Variants in SIPA1L1 observed in about 807,000 individuals in gnomAD.
The protein encoded by SIPA1L1 is signal-induced proliferation-associated 1-like protein 1.
In SIPA1L1, 26 loss-of-function variants were observed where a neutral mutation model predicts 162.7. The observed-to-expected ratio is 0.16, with a 90% confidence interval of 0.12 to 0.22. The LOEUF is 0.22. SIPA1L1 is among the 10% of genes least tolerant of loss of function. The pLI, the probability that SIPA1L1 is intolerant of heterozygous loss-of-function variation, is 1.00. For missense variants in SIPA1L1, 1,874 were observed against 2,241.0 expected (o/e 0.84, Z 3.31); for synonymous variants, 829 against 837.4 (o/e 0.99, Z 0.17).
intron 2 of SIPA1L1, among the ~76,000 whole-genome samples, chr14:71,428,042 G>A (rs1007364025): frequency 6.6e-6 from 1 of 151,382 alleles, no homozygotes; most frequent in Non-Finnish European, 1.5e-5. Flanking sequence ...TTTTGAGATG[G>A]AGTGCGGTGG....
At chr14:71,451,766 G>A (rs1020959227) in intron 2 of SIPA1L1, among the ~76,000 whole-genome samples, 2 of 151,946 alleles carry the variant, frequency 1.3e-5, no homozygotes, top group Non-Finnish European at 2.9e-5. Flanking sequence ...AGTATGTCAG[G>A]TAACATATAT....
At chr14:71,496,799 A>C (rs1238814354) in intron 2 of SIPA1L1, among the ~76,000 whole-genome samples, 1 of 152,150 alleles carries the variant, frequency 6.6e-6, no homozygotes, top group East Asian at 1.9e-4. Context: ...TATTTCACTG[A>C]TGACCCTTTT....
intron 2 of SIPA1L1, among the ~76,000 whole-genome samples, chr14:71,391,348 G>A (rs189304229): frequency 6.5e-4 from 99 of 152,200 alleles, no homozygotes; most frequent in Admixed American, 5.6e-3. Flanking sequence ...CTCGTGATCC[G>A]CCCGCCTTGG....
At chr14:71,353,939 TAAAG>T (rs1339419504) in intron 2 of SIPA1L1, among the ~76,000 whole-genome samples, 1 of 151,974 alleles carries the variant, frequency 6.6e-6, no homozygotes, top group African/African-American at 2.4e-5. Context: ...CAGCATTTTA[TAAAG>T]AAAGGCCATT....
intron 2 of SIPA1L1, among the ~76,000 whole-genome samples, chr14:71,463,015 C>G: frequency 6.6e-6 from 1 of 152,202 alleles, no homozygotes; most frequent in Non-Finnish European, 1.5e-5. Context: ...GATACAGCAG[C>G]TGCAATTGGA....
At chr14:71,497,632 T>A (rs956088694) in intron 2 of SIPA1L1, among the ~76,000 whole-genome samples, 2 of 152,218 alleles carry the variant, frequency 1.3e-5, no homozygotes, top group Non-Finnish European at 2.9e-5. Context: ...CAAGACTAGC[T>A]GCTTTCACTA....
At chr14:71,393,425 G>T (rs2141386199) in intron 2 of SIPA1L1, among the ~76,000 whole-genome samples, 1 of 152,306 alleles carries the variant, frequency 6.6e-6, no homozygotes. Context: ...AACAGATTGT[G>T]TTCTGATATG....
In SIPA1L1 at chr14:71,655,982, A is replaced by G. The variant is rs201057931; in HGVS notation, c.1994-2351A>G. Among the ~76,000 whole-genome samples, 13 of 152,180 alleles carry G rather than the reference A, an allele frequency of 8.5e-5. No homozygotes were observed. In the East Asian group the frequency reaches 2.5e-3, roughly 29 times the overall value. On this transcript the variant is annotated intron_variant, in intron 8 of 23. Coordinates refer to ENST00000381232, the MANE Select transcript of SIPA1L1 (RefSeq NM_001386936.1). ...ATTCTTTTTTCATTCTTTCTGGTAA[A>G]GTTTAATACCTCTATGAAGTGCATA...
chr14:71,738,693 A>G (rs924547757), intron 23 of SIPA1L1, among the ~76,000 whole-genome samples: 1 of 152,122 alleles, frequency 6.6e-6, no homozygotes, highest in Non-Finnish European at 1.5e-5. Flanking sequence ...GGTGGCCTTG[A>G]CTATATATCA....
intron 5 of SIPA1L1, among the ~76,000 whole-genome samples, chr14:71,609,719 G>A (rs1025999130): frequency 2.6e-4 from 40 of 151,932 alleles, no homozygotes; most frequent in Non-Finnish European, 4.0e-4. Flanking sequence ...CATCCACCTC[G>A]GCCTCCCAAA....
At chr14:71,514,559 A>T (rs1271048453) in intron 3 of SIPA1L1, among the ~76,000 whole-genome samples, 4 of 152,128 alleles carry the variant, frequency 2.6e-5, no homozygotes. Context: ...TTGTTATTTT[A>T]GTGAGGCGGT....
intron 17 of SIPA1L1, among the ~76,000 whole-genome samples, chr14:71,710,001 A>C (rs2082743835): frequency 6.6e-6 from 1 of 152,216 alleles, no homozygotes; most frequent in South Asian, 2.1e-4. Flanking sequence ...GTATACTGGG[A>C]CAAGCTTTTG....
At chr14:71,626,271 G>T (rs1434573299) in intron 7 of SIPA1L1, among the ~76,000 whole-genome samples, 1 of 152,162 alleles carries the variant, frequency 6.6e-6, no homozygotes. Flanking sequence ...TTCAACAGGA[G>T]TATTACTATT....
At chr14:71,451,711 G>A (rs2045840212) in intron 2 of SIPA1L1, among the ~76,000 whole-genome samples, 1 of 150,546 alleles carries the variant, frequency 6.6e-6, no homozygotes, top group South Asian at 2.1e-4. Context: ...CTACATTCTT[G>A]CTAAGAGAGT....
intron 2 of SIPA1L1, among the ~76,000 whole-genome samples, chr14:71,379,160 A>G (rs958642566): frequency 6.6e-5 from 10 of 151,822 alleles, no homozygotes; most frequent in African/African-American, 2.4e-4. Context: ...TTGCTTTTCT[A>G]TCTGTCAGAA....
At chr14:71,444,807 T>C (rs1322587176) in intron 2 of SIPA1L1, among the ~76,000 whole-genome samples, 5 of 152,176 alleles carry the variant, frequency 3.3e-5, no homozygotes, top group Non-Finnish European at 7.3e-5. Context: ...TTTTGTATTA[T>C]GTGAAGGAGT....
Position 71,546,593 on chromosome 14 carries a change from G to GCT in SIPA1L1, c.-303+17224_-303+17225dup, listed in dbSNP as rs2055229244. ...GATGGGGTTTCATCATGCTGGCCAG[G>GCT]CTTGTCTCGAACTCCTGACATCAAG... On this transcript the variant is annotated intron_variant, in intron 4 of 23. Transcript: ENST00000381232. Among the ~76,000 whole-genome samples, 4 of 152,050 alleles carry GCT rather than the reference G, an allele frequency of 2.6e-5. No individual in the cohort carries two copies. In the South Asian group the frequency reaches 8.3e-4, roughly 32 times the overall value.
chr14:71,704,385 C>CATCA (rs2082296468), intron 15 of SIPA1L1, among the ~76,000 whole-genome samples: 1 of 152,186 alleles, frequency 6.6e-6, no homozygotes, highest in Admixed American at 6.5e-5. Context: ...ATTGGTTAGG[C>CATCA]ATCAGTGTGT....
Position 71,377,552 on chromosome 14 carries a change from G to A in SIPA1L1, c.-465+56371G>A, listed in dbSNP as rs1283867833. Among the ~76,000 whole-genome samples the A allele has an allele frequency of 7.2e-5, 11 of 152,132 alleles. No individual in the cohort carries two copies. Among genetic ancestry groups the A allele is most frequent in the South Asian group, 2.1e-4 (1 of 4,830 alleles). Reference sequence around the variant, plus strand: ...AGACCATGGGCAGCCAGGCAGAGACGCTCCTCACTTCCTACACGGGGTGGC... The same window carrying A: ...AGACCATGGGCAGCCAGGCAGAGACACTCCTCACTTCCTACACGGGGTGGC... On this transcript the variant is annotated intron_variant, in intron 2 of 23. Transcript: ENST00000381232. The surrounding 1 kb of genome is among the most constrained non-coding windows in gnomAD (Gnocchi z 4.8).
Sources: gnomAD v4.1 joint callset for allele counts (sites outside exome capture counted in the v4.1 genomes callset) on GRCh38, gnomAD v4.1.1 for gene constraint, Gnocchi (gnomAD v3.1) non-coding constraint, MANE v1.5 for transcripts, NCBI Gene and HGNC (gene_info 2026-07-23, HGNC 2026-07-21) for gene names.